SPIDR: variants seen among roughly 807,000 people sequenced by gnomAD.
SPIDR encodes the protein DNA repair-scaffolding protein.
A neutral mutation model predicts 104.6 loss-of-function variants in SPIDR; 93 were observed. The ratio of observed to expected loss-of-function variants is 0.89; its 90% confidence interval spans 0.75 to 1.06. The LOEUF is 1.06. Ranked by LOEUF, SPIDR falls within the 50% of genes least tolerant of loss-of-function variation. The probability of loss-of-function intolerance (pLI) is 0.00; values close to 1 mark genes in which losing one functional copy is unlikely to be tolerated. For missense variants in SPIDR, 1,154 were observed against 1,111.2 expected (o/e 1.04, Z -0.55); for synonymous variants, 431 against 416.9 (o/e 1.03, Z -0.41).
intron 1 of SPIDR, among the ~76,000 whole-genome samples, chr8:47,263,795 A>G (rs1250314045): frequency 6.6e-6 from 1 of 152,168 alleles, no homozygotes; most frequent in East Asian, 1.9e-4. Context: ...TCACCTCCCA[A>G]ATTATCCCAG....
chr8:47,548,284 T>TA (rs1478897005), intron 8 of SPIDR, among the ~76,000 whole-genome samples: 3 of 152,234 alleles, frequency 2.0e-5, no homozygotes, highest in African/African-American at 7.2e-5. Flanking sequence ...ATGCAGTGAT[T>TA]AAGTCTGCTA....
At chr8:47,718,103 C>T (rs1348092965) in intron 16 of SPIDR, among the ~76,000 whole-genome samples, 1 of 152,188 alleles carries the variant, frequency 6.6e-6, no homozygotes, top group Non-Finnish European at 1.5e-5. Context: ...CCACCCAAGC[C>T]ACATTTCAAA....
chr8:47,404,328 A>T (rs2062386609), intron 6 of SPIDR, among the ~76,000 whole-genome samples: 1 of 152,280 alleles, frequency 6.6e-6, no homozygotes, highest in South Asian at 2.1e-4. Context: ...AGCAATGGCA[A>T]CAAAAGCCAA....
intron 8 of SPIDR, among the ~76,000 whole-genome samples, chr8:47,468,648 C>T (rs1554719049): frequency 6.6e-6 from 1 of 152,142 alleles, no homozygotes; most frequent in African/African-American, 2.4e-5. Context: ...TGGCTAGCCA[C>T]ATGCAGAAGA....
At chr8:47,357,467 C>T (rs185062874) in intron 5 of SPIDR, among the ~76,000 whole-genome samples, 317 of 152,240 alleles carry the variant, frequency 2.1e-3, no homozygotes, top group Non-Finnish European at 3.9e-3. Flanking sequence ...GATATCTGCC[C>T]GAAGAAAAGA....
At chr8:47,725,816 C>A (rs903966575) in intron 16 of SPIDR, among the ~76,000 whole-genome samples, 1 of 152,248 alleles carries the variant, frequency 6.6e-6, no homozygotes, top group African/African-American at 2.4e-5. Context: ...TTGCCTTATT[C>A]TCTAATTGGA....
chr8:47,536,848 A>G (rs1001954401), intron 8 of SPIDR, among the ~76,000 whole-genome samples: 23 of 152,356 alleles, frequency 1.5e-4, no homozygotes, highest in African/African-American at 5.3e-4. Flanking sequence ...CTCAGAATAT[A>G]CTAAGAACTT....
intron 5 of SPIDR, chr8:47,330,909 T>C: frequency 2.6e-6 from 1 of 382,574 alleles, no homozygotes; most frequent in South Asian, 1.9e-5. Flanking sequence ...AGAGTATTTT[T>C]AGTTTTATAA....
chr8:47,398,674 G>T (rs2061509456), intron 6 of SPIDR, among the ~76,000 whole-genome samples: 1 of 152,178 alleles, frequency 6.6e-6, no homozygotes, highest in Non-Finnish European at 1.5e-5. Flanking sequence ...CCACGGGCAG[G>T]CCTGGCGTTG....
intron 1 of SPIDR, among the ~76,000 whole-genome samples, chr8:47,265,723 CTG>C (rs1428674204): frequency 2.4e-4 from 37 of 152,210 alleles, no homozygotes; most frequent in African/African-American, 8.9e-4. Flanking sequence ...ATTGAGATAA[CTG>C]TAAATTCACA....
rs750281272 is a variant in SPIDR at position 47,713,635 on chromosome 8, G to A, written c.2335G>A (p.Val779Ile). The A allele has an allele frequency of 1.2e-6, 2 of 1,614,074 alleles. No homozygotes were observed. The highest frequency in any genetic ancestry group is 1.1e-5 in the South Asian group (1 of 91,066). The change falls in exon 16 of 20, where the codon GTT becomes ATT. Residue 779 changes from valine to isoleucine, a missense_variant. Transcript: ENST00000297423. ...SATPVNSICS[V>I]QGTVVGVDES... is the part of the protein sequence containing the mutation. ...AACACCTGTCAACTCCATCTGCAGT[G>A]TTCAAGGTAGGCAGCCATCTCACAG...
chr8:47,274,570 TC>T (rs2035986213), intron 1 of SPIDR, among the ~76,000 whole-genome samples: 1 of 151,924 alleles, frequency 6.6e-6, no homozygotes, highest in Non-Finnish European at 1.5e-5. Context: ...AATTCAGTTT[TC>T]CTCAGAATTT....
chr8:47,493,715 A>G (rs557525243), intron 8 of SPIDR, among the ~76,000 whole-genome samples: 1 of 152,220 alleles, frequency 6.6e-6, no homozygotes, highest in African/African-American at 2.4e-5. Flanking sequence ...AGGACTTGAA[A>G]ATGTTCCATC....
chr8:47,310,362 G>A (rs1554584293), intron 5 of SPIDR, among the ~76,000 whole-genome samples: 1 of 149,450 alleles, frequency 6.7e-6, no homozygotes, highest in Admixed American at 6.7e-5. Flanking sequence ...AAGTCACTAT[G>A]GATGTCACTT....
intron 8 of SPIDR, among the ~76,000 whole-genome samples, chr8:47,504,918 A>G (rs977081221): frequency 1.3e-5 from 2 of 152,156 alleles, no homozygotes; most frequent in Non-Finnish European, 2.9e-5. Context: ...GTTTGCCTGG[A>G]TATCAGCAGC....
intron 5 of SPIDR, among the ~76,000 whole-genome samples, chr8:47,377,934 G>C (rs117749250): frequency 6.6e-6 from 1 of 152,052 alleles, no homozygotes; most frequent in Admixed American, 6.6e-5. Context: ...TTAGTGCCTT[G>C]ATTATTTTTA....
intron 8 of SPIDR, among the ~76,000 whole-genome samples, chr8:47,451,371 C>T (rs1386654995): frequency 6.6e-6 from 1 of 151,962 alleles, no homozygotes; most frequent in Non-Finnish European, 1.5e-5. Flanking sequence ...TGCTTGAGTC[C>T]AGGAGTTCAA....
rs114928048 is a variant in SPIDR, at chr8:47,537,663, C to A, written c.1098-58148C>A. Among the ~76,000 whole-genome samples, 430 of 152,228 alleles carry A rather than the reference C, an allele frequency of 2.8e-3. 2 individuals carry two copies. The highest frequency in any genetic ancestry group is 9.1e-3 in the African/African-American group (377 of 41,524). ...TATGCATTTGCCAAAACCCATAGAC[C>A]TGTACAACACGAAGAGTGAACCCAA... On this transcript the variant is annotated intron_variant, in intron 8 of 19. Transcript: ENST00000297423.
intron 7 of SPIDR, among the ~76,000 whole-genome samples, chr8:47,417,070 A>G (rs2064469747): frequency 6.6e-6 from 1 of 152,198 alleles, no homozygotes; most frequent in South Asian, 2.1e-4. Flanking sequence ...TATTGTGAAT[A>G]GTGCCACAAT....
Sources: allele counts gnomAD v4.1 joint callset (sites outside exome capture counted in the v4.1 genomes callset), GRCh38; gene constraint gnomAD v4.1.1; transcripts MANE v1.5; gene names NCBI Gene and HGNC (gene_info 2026-07-23, HGNC 2026-07-21).